DDX54: variants seen among roughly 807,000 people sequenced by gnomAD.
DDX54 encodes the protein DEAD-box helicase 54, also known as ATP-dependent RNA helicase DDX54.
DDX54 carries 67 observed loss-of-function variants against 105.5 expected under a neutral mutation model. The observed-to-expected ratio is 0.64, with a 90% CI of 0.52 to 0.78. The LOEUF is 0.78. DDX54 is among the 30% of genes least tolerant of loss of function. DDX54 has a pLI of 0.00. For missense variants in DDX54, 1,206 were observed against 1,230.5 expected, an observed-to-expected ratio of 0.98 and a Z score of 0.30; for synonymous variants, 514 against 509.9, an observed-to-expected ratio of 1.01 and a Z score of -0.11.
chr12:113,161,337 C>G lies in DDX54; in HGVS notation c.2346G>C (p.Ser782=), dbSNP rs1258262730. ...KQKQKIDDRD[S]DEEGASDRRG... The stretch of plus-strand genomic sequence containing the variant: ...GCCGGTCAGATGCCCCTTCTTCGTC[C>G]GAGTCACGATCATCAATTTTCTGTT... Residue 782 remains serine (S), a synonymous_variant, in exon 19 of 20, where the codon TCG becomes TCC. Coordinates refer to ENST00000306014, the MANE Select transcript of DDX54 (RefSeq NM_024072.4). 1.2e-6 allele frequency: 2 copies of G among 1,613,544 alleles called. No homozygotes were observed. Among genetic ancestry groups the G allele is most frequent in the East Asian group, 2.2e-5 (1 of 44,868 alleles).
intron 12 of DDX54, chr12:113,167,947 C>T (rs759932388): frequency 4.1e-5 from 21 of 510,468 alleles, no homozygotes; most frequent in South Asian, 1.4e-5. Flanking sequence ...GCTGTGCTTG[C>T]ACCTCCCTCC....
Position 113,158,752 on chromosome 12 carries a change from T to G in DDX54, c.*125A>C. On this transcript the variant is annotated 3_prime_UTR_variant, in exon 20 of 20. Transcript: ENST00000306014. This position sits in a 1 kb window ranked among gnomAD's most constrained non-coding sequence, Gnocchi z 4.9. ...GCCATACAGTGCTCCTTTTCACAGA[T>G]GATGGCTCCTGCAGGGAGTGCCCCC... The G allele has an allele frequency of 9.3e-7, 1 of 1,078,264 alleles. No homozygotes were observed. The highest frequency in any genetic ancestry group is 2.2e-4 in the Middle Eastern group (1 of 4,486). 66.8% of individuals were successfully genotyped at this position (1,078,264 alleles called of 1,614,324 possible). A position where few individuals can be genotyped will look rare whatever the true frequency, so the allele number is the denominator to read the frequency against.
At position 113,179,977 on chromosome 12, in the gene DDX54, G is replaced by A; in HGVS notation, c.333C>T (p.Ile111=). The change falls in exon 3 of 20, where the codon ATC becomes ATT. Residue 111 remains isoleucine (I), a synonymous_variant. Coordinates refer to ENST00000306014, the MANE Select transcript of DDX54 (RefSeq NM_024072.4). ...MGLSYPVFKG[I]MKKGYKVPTP... ...TTGGCACCTTGTACCCCTTCTTCAT[G>A]ATGCCTTTGAACACCGGGTAGCTCA... 1 of 1,614,114 alleles carries A rather than the reference G, an allele frequency of 6.2e-7. No individual in the cohort carries two copies. Among genetic ancestry groups the A allele is most frequent in the South Asian group, 1.1e-5 (1 of 91,082 alleles).
intron 12 of DDX54, among the ~76,000 whole-genome samples, chr12:113,168,517 C>T (rs1314958001): frequency 3.3e-5 from 5 of 152,350 alleles, no homozygotes; most frequent in African/African-American, 7.2e-5. Context: ...AAGATGTGTC[C>T]AGGGCCCGGG....
intron 17 of DDX54, 39 bp from the exon 18 acceptor site, chr12:113,162,036 A>C (rs1481713827): frequency 1.2e-6 from 2 of 1,600,404 alleles, no homozygotes. Context: ...CGTGGAGGGA[A>C]ACCCTTGGAG....
intron 11 of DDX54, 54 bp from the exon 12 acceptor site, chr12:113,169,958 C>T: frequency 6.2e-7 from 1 of 1,601,254 alleles, no homozygotes; most frequent in Non-Finnish European, 8.5e-7. Flanking sequence ...CCGGACCCAG[C>T]ATGAGTTCCA....
intron 1 of DDX54, 48 bp downstream of exon 1, chr12:113,185,230 G>A: frequency 1.4e-6 from 2 of 1,442,760 alleles, no homozygotes; most frequent in Non-Finnish European, 1.8e-6. Context: ...GGCGCTGCCC[G>A]GAGCCGGGTC....
chr12:113,158,943 C>T lies in DDX54; in HGVS notation c.2580G>A (p.Glu860=). The part of the protein sequence containing the change: ...LSARNRRRVQ[E]LQQGAFGRGA... The stretch of plus-strand genomic sequence containing the variant: ...CCCGGCCGAAGGCGCCCTGCTGCAG[C>T]TCCTGGACGCGGCGGCGGTTGCGGG... The change falls in exon 20 of 20, where the codon GAG becomes GAA. Residue 860 remains glutamate, a synonymous_variant. Coordinates refer to ENST00000306014, the MANE Select transcript of DDX54 (RefSeq NM_024072.4). The surrounding 1 kb of genome is among the most constrained non-coding windows in gnomAD (Gnocchi z 4.9). The T allele has an allele frequency of 6.2e-7, 1 of 1,611,540 alleles. No homozygotes were observed. The highest frequency in any genetic ancestry group is 8.5e-7 in the Non-Finnish European group (1 of 1,178,618).
chr12:113,180,042 G>A lies in DDX54; in HGVS notation c.305-37C>T, dbSNP rs368945825. 284 of 1,606,398 alleles carry A rather than the reference G, an allele frequency of 1.8e-4. 4 individuals carry two copies. The highest frequency in any genetic ancestry group is 2.2e-5 in the Non-Finnish European group (26 of 1,173,164). On this transcript the variant is annotated intron_variant, in intron 2 of 19. Transcript: ENST00000306014. ...ATGAAACGGTCAGGGGGCCGAGGGA[G>A]TCCCCACAGCACCAACCCCAGAGAA...
intron 5 of DDX54, among the ~76,000 whole-genome samples, chr12:113,178,000 G>T (rs1277804965): frequency 6.6e-6 from 1 of 152,222 alleles, no homozygotes; most frequent in East Asian, 1.9e-4. Flanking sequence ...ACTTTGGGAG[G>T]CCAAAGTAGC....
At position 113,157,711 on chromosome 12, in the gene DDX54, C is replaced by G; in HGVS notation, c.*1166G>C. ...CACAGGTGAGCAGCGGGAGAGGGAA[C>G]CCCTGAGAGACCCTGAGATAGGAGG... is the stretch of plus-strand genomic sequence containing the variant. On this transcript the variant is annotated 3_prime_UTR_variant, in exon 20 of 20. Coordinates refer to ENST00000306014, the MANE Select transcript of DDX54 (RefSeq NM_024072.4). 1 of 1,523,772 alleles carries G rather than the reference C, an allele frequency of 6.6e-7. No individual in the cohort carries two copies. The highest frequency in any genetic ancestry group is 8.9e-7 in the Non-Finnish European group (1 of 1,122,580). 94.4% of individuals were successfully genotyped at this position (1,523,772 alleles called of 1,614,324 possible). A position where few individuals can be genotyped will look rare whatever the true frequency, so the allele number is the denominator to read the frequency against.
chr12:113,162,025 C>T, intron 17 of DDX54, 28 bp from the exon 18 acceptor site: 1 of 1,607,036 alleles, frequency 6.2e-7, no homozygotes, highest in Non-Finnish European at 8.5e-7. Flanking sequence ...GGGACGGCTG[C>T]CGTGGAGGGA....
intron 7 of DDX54, 77 bp from the exon 8 acceptor site, chr12:113,175,234 C>A: frequency 1.3e-6 from 2 of 1,510,836 alleles, no homozygotes; most frequent in South Asian, 2.6e-5. Flanking sequence ...ATCCTTGTCC[C>A]CACAACTTCT....
Position 113,166,046 on chromosome 12 carries a change from A to G in DDX54, c.1415-14T>C, listed in dbSNP as rs760857655. 1.3e-6 allele frequency: 2 copies of G among 1,596,464 alleles called. No individual in the cohort carries two copies. The highest frequency in any genetic ancestry group is 2.2e-5 in the East Asian group (1 of 44,774). ...CACCGGCCACACCTGCACCCCACAC[A>G]GCACCTTGTCAGAGGTCTTTCAGCC... On this transcript the variant is annotated splice_polypyrimidine_tract_variant and intron_variant, in intron 12 of 19. Coordinates refer to ENST00000306014, the MANE Select transcript of DDX54 (RefSeq NM_024072.4).
rs144279373 is a variant in DDX54, at chr12:113,178,997, G to A, written c.594C>T (p.Ala198=). The change falls in exon 5 of 20, where the codon GCC becomes GCT. Residue 198 remains alanine (A), a synonymous_variant. Coordinates refer to ENST00000306014, the MANE Select transcript of DDX54 (RefSeq NM_024072.4). ...CTTACCTGTCTCCACCCAGGATCAG[G>A]GCAGTCTTGAGGCCAGTGAACTTGC... ...ELGKFTGLKT[A]LILGGDRMED... 223 of 1,614,144 alleles carry A rather than the reference G, an allele frequency of 1.4e-4. 1 individual carries two copies. The East Asian group carries it at 4.2e-3, about 31-fold the overall frequency.
chr12:113,181,003 A>T lies in DDX54; in HGVS notation c.230T>A (p.Val77Glu), dbSNP rs1952460252. ...CACCATCTCCCGGGTGTCCGGCTCC[A>T]CATCCGAGGTGCATTCCGAGGTGGG... Reference protein sequence around the residue: ...TFPTSECTSDVEPDTREMVRA... With the variant: ...TFPTSECTSDEEPDTREMVRA... Residue 77 changes from valine to glutamate, a missense_variant, in exon 2 of 20, where the codon GTG (valine) becomes GAG (glutamate). By Grantham distance (121) the Val-to-Glu change is moderately radical. This residue lies in a region of DDX54 where 212 missense variants were observed against 155.4 expected (regional missense o/e 1.36). Coordinates refer to ENST00000306014, the MANE Select transcript of DDX54 (RefSeq NM_024072.4). 1.2e-6 allele frequency: 2 copies of T among 1,613,490 alleles called. No individual in the cohort carries two copies. Among genetic ancestry groups the T allele is most frequent in the Non-Finnish European group, 1.7e-6 (2 of 1,179,808 alleles).
At position 113,161,277 on chromosome 12, in the gene DDX54, A is replaced by G. The variant is rs149348928; in HGVS notation, c.2406T>C (p.Arg802=). The part of the protein sequence containing the change: ...GPERRGGKRD[R]GQGASRPHAP... ...CCCCACCCTGGCTCTCACCTTGGCC[A>G]CGGTCTCGCTTCCCACCTCTTCGCT... Residue 802 remains arginine, a synonymous_variant, in exon 19 of 20, where the codon CGT becomes CGC. Coordinates refer to ENST00000306014, the MANE Select transcript of DDX54 (RefSeq NM_024072.4). 3.8e-5 allele frequency: 61 copies of G among 1,611,428 alleles called. No individual in the cohort carries two copies. In the African/African-American group the frequency reaches 7.7e-4, roughly 20 times the overall value.
chr12:113,175,975 G>A (rs1952397535), intron 7 of DDX54, among the ~76,000 whole-genome samples: 1 of 150,556 alleles, frequency 6.6e-6, no homozygotes, highest in Non-Finnish European at 1.5e-5. Context: ...AATGATAGCA[G>A]TCCCTCCCCA....
chr12:113,161,901 C>T lies in DDX54; in HGVS notation c.2292G>A (p.Lys764=), dbSNP rs1331485756. ...ESGRYISSSY[K]RDLYQKWKQK... ...CACGCCCCTCAGGATACAGGTCTCG[C>T]TTGTAGGAGCTGCTGATGTAGCGGC... The change falls in exon 18 of 20, where the codon AAG becomes AAA. Residue 764 remains lysine (K), a synonymous_variant. Transcript: ENST00000306014. The T allele has an allele frequency of 1.9e-6, 3 of 1,607,730 alleles. No individual in the cohort carries two copies. The highest frequency in any genetic ancestry group is 1.7e-5 in the Admixed American group (1 of 59,802).
Sources: allele counts gnomAD v4.1 joint callset (sites outside exome capture counted in the v4.1 genomes callset), GRCh38; gene constraint gnomAD v4.1.1; regional missense constraint gnomAD v4.1.1; non-coding constraint Gnocchi (gnomAD v3.1); transcripts MANE v1.5; gene names NCBI Gene and HGNC (gene_info 2026-07-23, HGNC 2026-07-21).